The following PALS2 variants were observed in gnomAD, a reference collection of about 807,000 sequenced individuals.
The protein encoded by PALS2 is protein PALS2.
A neutral mutation model predicts 61.6 loss-of-function variants in PALS2; 27 were observed. That is an observed-to-expected ratio of 0.44 (90% CI 0.32 to 0.60). PALS2 has a LOEUF of 0.60. Among genes scored for constraint, PALS2 ranks in the 20% least tolerant of loss-of-function variants. PALS2 has a pLI of 0.05. For synonymous variants in PALS2, 236 were observed against 218.6 expected (o/e 1.08, Z -0.70); for missense variants, 554 against 639.4 (o/e 0.87, Z 1.44).
intron 3 of PALS2, 42 bp from the exon 4 acceptor site, chr7:24,649,570 C>G (rs201663219): frequency 6.8e-7 from 1 of 1,464,420 alleles, no homozygotes; most frequent in East Asian, 2.5e-5. Flanking sequence ...AAATTTCATC[C>G]ACATATCATA....
At chr7:24,634,704 A>G (rs773623171) in intron 2 of PALS2, among the ~76,000 whole-genome samples, 6 of 152,176 alleles carry the variant, frequency 3.9e-5, no homozygotes, top group Non-Finnish European at 8.8e-5. Context: ...TGTTGGATCC[A>G]TTTTAAGTTA....
Position 24,573,596 on chromosome 7 carries a change from G to C in PALS2, c.-3+3G>C. ...GGAGGCGGCTGAGGTGCGAGCCGGTGAGTTAACTGGACCCCCACGCCGCTC... is the reference window on the plus strand; with the variant it reads ...GGAGGCGGCTGAGGTGCGAGCCGGTCAGTTAACTGGACCCCCACGCCGCTC... On this transcript the variant is annotated splice_donor_region_variant and intron_variant, in intron 1 of 11. Transcript: ENST00000222644. The surrounding 1 kb of genome is among the most constrained non-coding windows in gnomAD (Gnocchi z 5.3). The C allele has an allele frequency of 5.4e-6, 2 of 367,884 alleles. No individual in the cohort carries two copies. 22.8% of individuals were successfully genotyped at this position (367,884 alleles called of 1,614,324 possible).
At position 24,606,836 on chromosome 7, in the gene PALS2, A is replaced by G. The variant is rs949373797; in HGVS notation, c.-2-16830A>G. ...TTGGGATTTTTCTGGATTTTGGAAT[A>G]TTTGCAAATACATAATAAGTTGTCT... On this transcript the variant is annotated intron_variant, in intron 1 of 11. Coordinates refer to ENST00000222644, the MANE Select transcript of PALS2 (RefSeq NM_001303037.2). Among the ~76,000 whole-genome samples, 3 of 152,160 alleles carry G rather than the reference A, an allele frequency of 2.0e-5. No homozygotes were observed. In the East Asian group the frequency reaches 5.8e-4, roughly 29 times the overall value.
At position 24,665,667 on chromosome 7, in the gene PALS2, G is replaced by T; in HGVS notation, c.863G>T (p.Arg288Ile). ...GAAGAGAAGAGAAAGGCATTTGTTA[G>T]AAGAGACTGGGACAATTCAGGTGAT... ...FLEEKRKAFV[R>I]RDWDNSGPFC... is the part of the protein sequence containing the mutation. Residue 288 changes from arginine to isoleucine, a missense_variant, in exon 7 of 12, where the codon AGA becomes ATA. Physicochemically the swap from Arg to Ile is moderately conservative, Grantham distance 97. Coordinates refer to ENST00000222644, the MANE Select transcript of PALS2 (RefSeq NM_001303037.2). 1 of 1,613,728 alleles carries T rather than the reference G, an allele frequency of 6.2e-7. No homozygotes were observed. Among genetic ancestry groups the T allele is most frequent in the Non-Finnish European group, 8.5e-7 (1 of 1,179,680 alleles).
rs1163097712 is a variant in PALS2, at chr7:24,596,589, G to T, written c.-3+22996G>T. Among the ~76,000 whole-genome samples, 1 of 152,072 alleles carries T rather than the reference G, an allele frequency of 6.6e-6. No individual in the cohort carries two copies. The highest frequency in any genetic ancestry group is 1.5e-5 in the Non-Finnish European group (1 of 68,008). On this transcript the variant is annotated intron_variant, in intron 1 of 11. Transcript: ENST00000222644. This position sits in a 1 kb window ranked among gnomAD's most constrained non-coding sequence, Gnocchi z 4.5. ...ACTACATATTTTCTTGTAAAATAAT[G>T]AAGTTTTGACTTGCTTTGTTAATTA...
At chr7:24,588,468 G>T (rs1288993077) in intron 1 of PALS2, among the ~76,000 whole-genome samples, 1 of 152,182 alleles carries the variant, frequency 6.6e-6, no homozygotes, top group East Asian at 1.9e-4. Flanking sequence ...CTCTGATGAT[G>T]TATTTAGGTA....
intron 2 of PALS2, among the ~76,000 whole-genome samples, chr7:24,632,509 C>T (rs962004133): frequency 6.6e-6 from 1 of 152,118 alleles, no homozygotes; most frequent in African/African-American, 2.4e-5. Context: ...AAGCAATTCT[C>T]CTGCCTCAGC....
In PALS2 at chr7:24,573,618, G is replaced by C. The variant is rs1782533075; in HGVS notation, c.-3+25G>C. The C allele has an allele frequency of 2.9e-6, 1 of 341,012 alleles. No homozygotes were observed. The highest frequency in any genetic ancestry group is 4.3e-5 in the East Asian group (1 of 23,232). 21.1% of individuals were successfully genotyped at this position (341,012 alleles called of 1,614,324 possible). ...GGTGAGTTAACTGGACCCCCACGCC[G>C]CTCGGGTAACGGTCGCGCCGCGCGC... On this transcript the variant is annotated intron_variant, in intron 1 of 11. Coordinates refer to ENST00000222644, the MANE Select transcript of PALS2 (RefSeq NM_001303037.2). This position sits in a 1 kb window ranked among gnomAD's most constrained non-coding sequence, Gnocchi z 5.3.
At chr7:24,641,938 T>A in intron 3 of PALS2, 70 bp downstream of exon 3, 1 of 1,483,178 alleles carries the variant, frequency 6.7e-7, no homozygotes, top group Non-Finnish European at 9.2e-7. Context: ...CTTTCCAGTT[T>A]AAGGTGATGT....
chr7:24,688,117 T>C lies in PALS2; in HGVS notation c.*503T>C, dbSNP rs1031095267. 2.0e-5 allele frequency: 3 copies of C among 152,364 alleles called. No homozygotes were observed. The highest frequency in any genetic ancestry group is 6.5e-5 in the Admixed American group (1 of 15,284). 9.4% of individuals were successfully genotyped at this position (152,364 alleles called of 1,614,324 possible). ...TTACAAAAGCAGAATTTTAAGTCAG[T>C]GTTATAGCTAGTCTACTACCATCTA... On this transcript the variant is annotated 3_prime_UTR_variant, in exon 12 of 12. Coordinates refer to ENST00000222644, the MANE Select transcript of PALS2 (RefSeq NM_001303037.2).
At chr7:24,607,447 T>C (rs1783941533) in intron 1 of PALS2, among the ~76,000 whole-genome samples, 1 of 151,644 alleles carries the variant, frequency 6.6e-6, no homozygotes, top group Non-Finnish European at 1.5e-5. Flanking sequence ...AGTGTTTACT[T>C]GCTAATGTAT....
At position 24,596,902 on chromosome 7, in the gene PALS2, T is replaced by C. The variant is rs1439510844; in HGVS notation, c.-3+23309T>C. 6.6e-6 allele frequency among the ~76,000 whole-genome samples: 1 copy of C among 152,154 alleles called. No homozygotes were observed. Among genetic ancestry groups the C allele is most frequent in the Non-Finnish European group, 1.5e-5 (1 of 68,028 alleles). Reference sequence around the variant, plus strand: ...ACTCTAAACCAGACAGTGAAATTTTTAGAGTGGAATTGTGGTGAAGATTAC... The same window carrying C: ...ACTCTAAACCAGACAGTGAAATTTTCAGAGTGGAATTGTGGTGAAGATTAC... On this transcript the variant is annotated intron_variant, in intron 1 of 11. Coordinates refer to ENST00000222644, the MANE Select transcript of PALS2 (RefSeq NM_001303037.2). The surrounding 1 kb of genome is among the most constrained non-coding windows in gnomAD (Gnocchi z 4.5).
At chr7:24,672,012 C>T (rs771071240) in intron 9 of PALS2, among the ~76,000 whole-genome samples, 4 of 151,224 alleles carry the variant, frequency 2.6e-5, no homozygotes, top group Non-Finnish European at 5.9e-5. Context: ...CTTGTTTTGG[C>T]TCTTCTGGGT....
intron 11 of PALS2, among the ~76,000 whole-genome samples, chr7:24,683,079 TA>T (rs774723001): frequency 2.0e-5 from 3 of 152,244 alleles, no homozygotes; most frequent in Non-Finnish European, 2.9e-5. Context: ...GCCTGATCTA[TA>T]AAGTTCCTCA....
chr7:24,584,079 G>C (rs1212667486), intron 1 of PALS2, among the ~76,000 whole-genome samples: 3 of 150,068 alleles, frequency 2.0e-5, no homozygotes, highest in African/African-American at 7.3e-5. Flanking sequence ...CATTTGGGTT[G>C]GTTCCAAGTC....
chr7:24,650,944 A>T (rs957850072), intron 5 of PALS2, among the ~76,000 whole-genome samples: 31 of 152,192 alleles, frequency 2.0e-4, no homozygotes, highest in Non-Finnish European at 4.4e-4. Context: ...ACCCTGGCAT[A>T]ATAGTAACCT....
intron 10 of PALS2, 27 bp downstream of exon 10, chr7:24,679,360 T>A (rs779860055): frequency 6.2e-7 from 1 of 1,604,862 alleles, no homozygotes; most frequent in Non-Finnish European, 8.5e-7. Context: ...CCAAAGCTGT[T>A]TTATATTTTA....
At chr7:24,652,325 C>T (rs957971710) in intron 5 of PALS2, among the ~76,000 whole-genome samples, 1 of 152,086 alleles carries the variant, frequency 6.6e-6, no homozygotes, top group African/African-American at 2.4e-5. Flanking sequence ...AGGGCTTTGG[C>T]CCAAATTCCT....
At chr7:24,595,113 A>C (rs886791981) in intron 1 of PALS2, among the ~76,000 whole-genome samples, 2 of 152,080 alleles carry the variant, frequency 1.3e-5, no homozygotes, top group African/African-American at 4.8e-5. Context: ...AGGCAGTGAC[A>C]GTGGAGATAG....
Sources: allele counts gnomAD v4.1 joint callset (sites outside exome capture counted in the v4.1 genomes callset), GRCh38; gene constraint gnomAD v4.1.1; non-coding constraint Gnocchi (gnomAD v3.1); transcripts MANE v1.5; gene names NCBI Gene and HGNC (gene_info 2026-07-23, HGNC 2026-07-21).